BMPR1A: variants seen among roughly 807,000 people sequenced by gnomAD.
BMPR1A encodes the protein bone morphogenetic protein receptor type 1A.
Under a neutral mutation model 66.0 loss-of-function variants are expected in BMPR1A, and 7 were observed. The ratio of observed to expected loss-of-function variants is 0.11; its 90% confidence interval spans 0.06 to 0.20. The LOEUF is 0.20. Among genes scored for constraint, BMPR1A ranks in the 10% least tolerant of loss-of-function variants. The pLI is 1.00. For missense variants in BMPR1A, 408 were observed against 669.1 expected, an observed-to-expected ratio of 0.61 and a Z score of 4.31; for synonymous variants, 200 against 229.7, an observed-to-expected ratio of 0.87 and a Z score of 1.17.
intron 1 of BMPR1A, among the ~76,000 whole-genome samples, chr10:86,816,847 G>A (rs1038059296): frequency 2.0e-5 from 3 of 152,106 alleles, no homozygotes; most frequent in African/African-American, 7.2e-5. Context: ...CTCTTTATGG[G>A]AACAGCACCC....
At chr10:86,849,600 G>C (rs1051091345) in intron 2 of BMPR1A, among the ~76,000 whole-genome samples, 1 of 152,204 alleles carries the variant, frequency 6.6e-6, no homozygotes, top group African/African-American at 2.4e-5. Flanking sequence ...TAGGTAGTAA[G>C]TATAAGCTTC....
chr10:86,917,825 GT>G lies in BMPR1A; in HGVS notation c.868+503del, dbSNP rs560331375. Among the ~76,000 whole-genome samples, 44 of 152,246 alleles carry G rather than the reference GT, an allele frequency of 2.9e-4. No individual in the cohort carries two copies. In the East Asian group the frequency reaches 6.9e-3, roughly 24 times the overall value. On this transcript the variant is annotated intron_variant, in intron 9 of 12. Coordinates refer to ENST00000372037, the MANE Select transcript of BMPR1A (RefSeq NM_004329.3). ...GAGTTTTCTTTTCCCTTCACCTCTT[GT>G]TTTCCTCCCTTTAATTTGGAGAGCC...
At chr10:86,773,748 A>C (rs1016104536) in intron 1 of BMPR1A, among the ~76,000 whole-genome samples, 2 of 152,160 alleles carry the variant, frequency 1.3e-5, no homozygotes, top group Non-Finnish European at 2.9e-5. Flanking sequence ...TCTGTTGTGG[A>C]AATAGCAAAA....
At chr10:86,781,076 G>A (rs527309140) in intron 1 of BMPR1A, among the ~76,000 whole-genome samples, 40 of 152,046 alleles carry the variant, frequency 2.6e-4, no homozygotes, top group Non-Finnish European at 4.4e-4. Context: ...AGCTGGTCTC[G>A]AACTCTTGAC....
At chr10:86,846,131 C>T (rs922488391) in intron 2 of BMPR1A, among the ~76,000 whole-genome samples, 1 of 152,142 alleles carries the variant, frequency 6.6e-6, no homozygotes, top group Non-Finnish European at 1.5e-5. Flanking sequence ...CTCTAAGAGC[C>T]CTCAGTTGTG....
intron 5 of BMPR1A, among the ~76,000 whole-genome samples, chr10:86,897,218 C>T (rs937830888): frequency 2.0e-5 from 3 of 152,158 alleles, no homozygotes; most frequent in African/African-American, 7.2e-5. Context: ...TTCATCAGTG[C>T]CAAGTAAATT....
chr10:86,898,248 C>CACATAT (rs143893301), intron 5 of BMPR1A, among the ~76,000 whole-genome samples: 5 of 150,796 alleles, frequency 3.3e-5, no homozygotes, highest in Non-Finnish European at 7.4e-5. Context: ...GTATATAACA[C>CACATAT]ATATATATAT....
At chr10:86,816,309 T>C (rs1215374237) in intron 1 of BMPR1A, among the ~76,000 whole-genome samples, 1 of 152,254 alleles carries the variant, frequency 6.6e-6, no homozygotes, top group Non-Finnish European at 1.5e-5. Flanking sequence ...AAATAAGATG[T>C]ATTGAAATTA....
chr10:86,864,661 A>C (rs1377301064), intron 2 of BMPR1A, among the ~76,000 whole-genome samples: 1 of 152,176 alleles, frequency 6.6e-6, no homozygotes, highest in African/African-American at 2.4e-5. Flanking sequence ...CTTGCCAACC[A>C]AGCAAGTAAT....
chr10:86,821,212 C>T (rs149133993), intron 1 of BMPR1A, among the ~76,000 whole-genome samples: 55 of 152,332 alleles, frequency 3.6e-4, no homozygotes, highest in African/African-American at 1.3e-3. Flanking sequence ...GTTACTGCTG[C>T]AGTGTGACCT....
intron 1 of BMPR1A, among the ~76,000 whole-genome samples, chr10:86,808,552 T>TG (rs1272155240): frequency 6.6e-6 from 1 of 152,226 alleles, no homozygotes; most frequent in African/African-American, 2.4e-5. Context: ...TTTGAAGCAA[T>TG]GGCCTGAGTT....
rs1295473221 is a variant in BMPR1A at position 86,872,672 on chromosome 10, A to G, written c.-152-3195A>G. 2.0e-5 allele frequency among the ~76,000 whole-genome samples: 3 copies of G among 152,110 alleles called. No individual in the cohort carries two copies. The East Asian group carries it at 5.8e-4, about 29-fold the overall frequency. ...ATTTATTTAATTTTTTATTTTAAAAATTATTTTAAATATGTGTTTGCTGTT... is the reference window on the plus strand; with the variant it reads ...ATTTATTTAATTTTTTATTTTAAAAGTTATTTTAAATATGTGTTTGCTGTT... On this transcript the variant is annotated intron_variant, in intron 2 of 12. Coordinates refer to ENST00000372037, the MANE Select transcript of BMPR1A (RefSeq NM_004329.3).
intron 1 of BMPR1A, among the ~76,000 whole-genome samples, chr10:86,793,947 A>G (rs1468964456): frequency 6.6e-6 from 1 of 152,136 alleles, no homozygotes; most frequent in Non-Finnish European, 1.5e-5. Flanking sequence ...TCACCTTCAC[A>G]GTCAGCAAGG....
chr10:86,765,989 C>CTTT lies in BMPR1A; in HGVS notation c.-268+9082_-268+9084dup, dbSNP rs67035271. Among the ~76,000 whole-genome samples the CTTT allele has an allele frequency of 8.4e-3, 1,109 of 131,816 alleles. 20 individuals are homozygous for CTTT. Among genetic ancestry groups the CTTT allele is most frequent in the African/African-American group, 0.021 (792 of 37,600 alleles). The allele number at this position is 131,816 out of a possible 152,430, so 86.5% of individuals were successfully genotyped here. A position where few individuals can be genotyped will look rare whatever the true frequency, so the allele number is the denominator to read the frequency against. On this transcript the variant is annotated intron_variant, in intron 1 of 12. Coordinates refer to ENST00000372037, the MANE Select transcript of BMPR1A (RefSeq NM_004329.3). ...GTCAGTAAATTTCAATTTCCTCATT[C>CTTT]TTTTTTTTTTTTTTGAGGGAAGGTC...
intron 5 of BMPR1A, among the ~76,000 whole-genome samples, chr10:86,899,048 T>A (rs1190876315): frequency 6.6e-6 from 1 of 152,226 alleles, no homozygotes; most frequent in Non-Finnish European, 1.5e-5. Context: ...GGCTTTTCCT[T>A]AATTTCCGCT....
chr10:86,903,421 CAG>C (rs1333393110), intron 7 of BMPR1A, among the ~76,000 whole-genome samples: 1 of 151,204 alleles, frequency 6.6e-6, no homozygotes, highest in African/African-American at 2.4e-5. Flanking sequence ...AAATTAGTGA[CAG>C]ACTGTAGAAG....
rs964020576 is a variant in BMPR1A at position 86,919,168 on chromosome 10, A to C, written c.869-4A>C. ...CTAACCTTTTAAACTCATCAACTGG[A>C]CAGGTTTCATAGCGGCAGACATTAA... On this transcript the variant is annotated splice_region_variant and splice_polypyrimidine_tract_variant and intron_variant, in intron 9 of 12. Transcript: ENST00000372037. 3 of 1,613,686 alleles carry C rather than the reference A, an allele frequency of 1.9e-6. No homozygotes were observed. The African/African-American group carries it at 4.0e-5, about 22-fold the overall frequency.
chr10:86,884,429 T>G (rs1843041026), intron 3 of BMPR1A, among the ~76,000 whole-genome samples: 1 of 111,184 alleles, frequency 9.0e-6, no homozygotes, highest in African/African-American at 4.4e-5. Flanking sequence ...TTTTTTTTTT[T>G]TTGAGATGGA....
chr10:86,783,806 C>A (rs1841473440), intron 1 of BMPR1A, among the ~76,000 whole-genome samples: 1 of 152,178 alleles, frequency 6.6e-6, no homozygotes, highest in African/African-American at 2.4e-5. Flanking sequence ...CCAAGCTGGT[C>A]TCGAAGTGCT....
Sources: gnomAD v4.1 joint callset for allele counts (sites outside exome capture counted in the v4.1 genomes callset) on GRCh38, gnomAD v4.1.1 for gene constraint, MANE v1.5 for transcripts, NCBI Gene and HGNC (gene_info 2026-07-23, HGNC 2026-07-21) for gene names.